CTNNB1: variants seen among roughly 807,000 people sequenced by gnomAD.
CTNNB1 encodes the protein catenin beta 1.
Under a neutral mutation model 82.5 loss-of-function variants are expected in CTNNB1, and 6 were observed. That is an observed-to-expected ratio of 0.07 (90% CI 0.04 to 0.14). The LOEUF (loss-of-function observed/expected upper bound fraction) is 0.14. CTNNB1 is among the 10% of genes least tolerant of loss of function. CTNNB1 has a pLI of 1.00. For missense variants in CTNNB1, 529 were observed against 980.4 expected, an observed-to-expected ratio of 0.54 and a Z score of 6.15; for synonymous variants, 312 against 329.7, an observed-to-expected ratio of 0.95 and a Z score of 0.58.
At position 41,238,674 on chromosome 3, in the gene CTNNB1, GCCTTT is replaced by G. The variant is rs1476316343; in HGVS notation, c.2138-455_2138-451del. Among the ~76,000 whole-genome samples, 5 of 152,282 alleles carry G rather than the reference GCCTTT, an allele frequency of 3.3e-5. No individual in the cohort carries two copies. The East Asian group carries it at 9.7e-4, about 29-fold the overall frequency. ...TATGTTGAGGTTTCATGGAAATAGT[GCCTTT>G]CCTTAGTACTTTTGTGGGTGTCACT... On this transcript the variant is annotated intron_variant, in intron 14 of 14. Transcript: ENST00000349496.
intron 1 of CTNNB1, chr3:41,220,911 T>TAA (rs2078032884): frequency 1.3e-5 from 2 of 152,200 alleles, no homozygotes; most frequent in Admixed American, 1.3e-4. Context: ...GTGAAATCTA[T>TAA]TATATATTAG....
At chr3:41,228,730 A>G (rs1297777486) in intron 7 of CTNNB1, among the ~76,000 whole-genome samples, 2 of 151,832 alleles carry the variant, frequency 1.3e-5, no homozygotes, top group Non-Finnish European at 2.9e-5. Flanking sequence ...AGCTCTTTAT[A>G]CTGTCCCATT....
chr3:41,211,586 A>G (rs1282377745), intron 1 of CTNNB1, among the ~76,000 whole-genome samples: 1 of 152,086 alleles, frequency 6.6e-6, no homozygotes, highest in African/African-American at 2.4e-5. Flanking sequence ...GTCCATGTGT[A>G]CCAAATGTTT....
intron 1 of CTNNB1, among the ~76,000 whole-genome samples, chr3:41,214,661 A>C (rs2077874090): frequency 6.6e-6 from 1 of 152,202 alleles, no homozygotes; most frequent in Non-Finnish European, 1.5e-5. Context: ...TTCAAATGTA[A>C]AAATACACCT....
At chr3:41,220,327 A>G (rs755036803) in intron 1 of CTNNB1, among the ~76,000 whole-genome samples, 20 of 152,030 alleles carry the variant, frequency 1.3e-4, no homozygotes, top group Non-Finnish European at 1.8e-4. Context: ...GGGTCATTTG[A>G]TGTTTGATGC....
At position 41,227,294 on chromosome 3, in the gene CTNNB1, C is replaced by T. The variant is rs34343353; in HGVS notation, c.1023C>T (p.Ser341=). ...YTYEKLLWTT[S]RVLKVLSVCS... is the part of the protein sequence containing the mutation. ...ACGAAAAACTACTGTGGACCACAAG[C>T]AGAGTGCTGAAGGTGCTATCTGTCT... Residue 341 remains serine (S), a synonymous_variant, in exon 7 of 15, where the codon AGC becomes AGT. Transcript: ENST00000349496. The T allele has an allele frequency of 2.7e-4, 440 of 1,613,944 alleles. No homozygotes were observed. In the African/African-American group the frequency reaches 5.5e-3, roughly 20 times the overall value.
At chr3:41,235,928 A>T in intron 11 of CTNNB1, 85 bp downstream of exon 11, 3 of 1,482,090 alleles carry the variant, frequency 2.0e-6, no homozygotes, top group Non-Finnish European at 2.8e-6. Context: ...AAAATTAGGG[A>T]CCATAATAGG....
At chr3:41,237,446 C>CAA (rs3038134) in intron 13 of CTNNB1, 351 of 65,038 alleles carry the variant, frequency 5.4e-3, no homozygotes, top group East Asian at 0.019. Flanking sequence ...GACTCCAACA[C>CAA]AAAAAAAAAA....
At chr3:41,205,128 C>T (rs993150649) in intron 1 of CTNNB1, among the ~76,000 whole-genome samples, 20 of 152,120 alleles carry the variant, frequency 1.3e-4, no homozygotes, top group Admixed American at 1.1e-3. Flanking sequence ...TCTGAAGGGA[C>T]GTCAAATGCT....
chr3:41,219,074 C>T (rs1364421409), intron 1 of CTNNB1, among the ~76,000 whole-genome samples: 2 of 152,112 alleles, frequency 1.3e-5, no homozygotes, highest in East Asian at 3.9e-4. Context: ...AGAAAATGTG[C>T]CTCTGAGATA....
chr3:41,235,992 A>G (rs1575333450), intron 11 of CTNNB1, 149 bp downstream of exon 11: 1 of 980,476 alleles, frequency 1.0e-6, no homozygotes, highest in South Asian at 1.4e-5. Context: ...TCAGTAAGAG[A>G]AACATTGAGA....
At position 41,225,002 on chromosome 3, in the gene CTNNB1, C is replaced by G. The variant is rs2125619899; in HGVS notation, c.290C>G (p.Ala97Gly). 6.2e-7 allele frequency: 1 copy of G among 1,614,026 alleles called. No individual in the cohort carries two copies. Among genetic ancestry groups the G allele is most frequent in the Non-Finnish European group, 8.5e-7 (1 of 1,179,964 alleles). The change falls in exon 4 of 15, where the codon GCT becomes GGT. Residue 97 changes from alanine to glycine, a missense_variant. Around this residue, in one of 4 missense-constraint regions of CTNNB1, gnomAD observed 411 missense variants for 776.4 expected, o/e 0.53. Transcript: ENST00000349496. This position sits in a 1 kb window ranked among gnomAD's most constrained non-coding sequence, Gnocchi z 5.3. ...AMTRAQRVRA[A>G]MFPETLDEGM... ...ACTCGAGCTCAGAGGGTACGAGCTG[C>G]TATGTTCCCTGAGACATTAGATGAG...
chr3:41,225,198 C>T lies in CTNNB1; in HGVS notation c.486C>T (p.Asp162=), dbSNP rs5743392. Residue 162 remains aspartate (D), a synonymous_variant, in exon 4 of 15, where the codon GAC becomes GAT. Coordinates refer to ENST00000349496, the MANE Select transcript of CTNNB1 (RefSeq NM_001904.4). This position sits in a 1 kb window ranked among gnomAD's most constrained non-coding sequence, Gnocchi z 5.3. ...AIPELTKLLN[D]EDQVVVNKAA... ...CTGAACTGACAAAACTGCTAAATGACGAGGACCAGGTAAGCAATGACATAG... is the reference window on the plus strand; with the variant it reads ...CTGAACTGACAAAACTGCTAAATGATGAGGACCAGGTAAGCAATGACATAG... 1,981 of 1,614,028 alleles carry T rather than the reference C, an allele frequency of 1.2e-3. 2 individuals are homozygous for T. Among genetic ancestry groups the T allele is most frequent in the Middle Eastern group, 3.1e-3 (19 of 6,062 alleles).
chr3:41,237,717 TTA>T, intron 13 of CTNNB1: 1 of 182,368 alleles, frequency 5.5e-6, no homozygotes, highest in Non-Finnish European at 1.1e-5. Flanking sequence ...TTTTTTTTTT[TTA>T]AACTGCTATA....
intron 1 of CTNNB1, 38 bp from the exon 2 acceptor site, chr3:41,223,983 A>C (rs1280182045): frequency 1.4e-6 from 2 of 1,431,512 alleles, no homozygotes; most frequent in East Asian, 4.5e-5. Context: ...AATCAAGCTA[A>C]ATTTAAATCC....
intron 1 of CTNNB1, among the ~76,000 whole-genome samples, chr3:41,201,830 A>G (rs1329063972): frequency 6.6e-6 from 1 of 152,174 alleles, no homozygotes; most frequent in African/African-American, 2.4e-5. Flanking sequence ...AGAAAAGTGT[A>G]TTTCCAGTAT....
chr3:41,222,072 C>T (rs565548152), intron 1 of CTNNB1: 2 of 151,898 alleles, frequency 1.3e-5, no homozygotes, highest in African/African-American at 2.4e-5. Context: ...TCAGTTTTTT[C>T]GTTGCTTTAA....
intron 2 of CTNNB1, 163 bp from the exon 3 acceptor site, chr3:41,224,363 C>T (rs563755714): frequency 2.6e-6 from 2 of 781,904 alleles, no homozygotes; most frequent in South Asian, 1.7e-5. Flanking sequence ...TTAGGTATTT[C>T]ATCACTGAGC....
intron 13 of CTNNB1, chr3:41,237,751 C>CCTGG: frequency 2.3e-6 from 1 of 428,168 alleles, no homozygotes; most frequent in South Asian, 2.5e-5. Context: ...TAGAACAGTG[C>CCTGG]CTGGCAGCAC....
Sources: allele counts gnomAD v4.1 joint callset (sites outside exome capture counted in the v4.1 genomes callset), GRCh38; gene constraint gnomAD v4.1.1; regional missense constraint gnomAD v4.1.1; non-coding constraint Gnocchi (gnomAD v3.1); transcripts MANE v1.5; gene names NCBI Gene and HGNC (gene_info 2026-07-23, HGNC 2026-07-21).